CFDP1: variants seen among roughly 807,000 people sequenced by gnomAD.
The protein encoded by CFDP1 is chromatin remodeling protein CFDP1, also known as heterochromatin-stabilizing protein CFDP1.
A neutral mutation model predicts 40.1 loss-of-function variants in CFDP1; 31 were observed. The observed-to-expected ratio is 0.77, with a 90% CI of 0.58 to 1.04. CFDP1 has a LOEUF of 1.04. Ranked by LOEUF, CFDP1 falls within the 50% of genes least tolerant of loss-of-function variation. CFDP1 has a pLI of 0.00. For synonymous variants in CFDP1, 167 were observed against 120.0 expected (o/e 1.39, Z -2.56); for missense variants, 423 against 343.4 (o/e 1.23, Z -1.83).
chr16:75,366,660 G>C (rs1284929001), intron 5 of CFDP1, among the ~76,000 whole-genome samples: 1 of 152,084 alleles, frequency 6.6e-6, no homozygotes, highest in Non-Finnish European at 1.5e-5. Context: ...CCGTTATAGG[G>C]AGATAGATAC....
chr16:75,407,182 G>A (rs941527756), intron 4 of CFDP1, among the ~76,000 whole-genome samples: 18 of 152,082 alleles, frequency 1.2e-4, no homozygotes, highest in East Asian at 1.9e-4. Context: ...ACTCCAACCC[G>A]AGTGACAGAG....
intron 5 of CFDP1, among the ~76,000 whole-genome samples, chr16:75,315,518 A>G (rs981449067): frequency 2.0e-5 from 3 of 152,046 alleles, no homozygotes; most frequent in African/African-American, 7.2e-5. Flanking sequence ...CAAGAATTCC[A>G]GTATGGTCTG....
rs375736531 is a variant in CFDP1, at chr16:75,404,882, G to A, written c.530+6943C>T. Among the ~76,000 whole-genome samples the A allele has an allele frequency of 3.3e-5, 5 of 152,244 alleles. No individual in the cohort carries two copies. The East Asian group carries it at 5.8e-4, about 18-fold the overall frequency. Reference sequence around the variant, plus strand: ...GGCTCCATAGCACAACGGATAGCGCGCTGGACTTCTAGACTGGATTTTAGA... The same window carrying A: ...GGCTCCATAGCACAACGGATAGCGCACTGGACTTCTAGACTGGATTTTAGA... On this transcript the variant is annotated intron_variant, in intron 4 of 6. Coordinates refer to ENST00000283882, the MANE Select transcript of CFDP1 (RefSeq NM_006324.3).
chr16:75,390,800 T>C (rs2078942418), intron 5 of CFDP1, among the ~76,000 whole-genome samples: 1 of 152,156 alleles, frequency 6.6e-6, no homozygotes, highest in African/African-American at 2.4e-5. Flanking sequence ...CACCTAACCC[T>C]TTCTTCCCCT....
rs1555551779 is a variant in CFDP1 at position 75,297,146 on chromosome 16, T to TTTTG, written c.810-3105_810-3104insCAAA. Reference sequence around the variant, plus strand: ...GCTTGGGGTTCTTGCTTCCCATTTCTTGTGTGTGTGTGTGTGTGTCTGTGT... The same window carrying TTTTG: ...GCTTGGGGTTCTTGCTTCCCATTTCTTTTGTGTGTGTGTGTGTGTGTGTCTGTGT... On this transcript the variant is annotated intron_variant, in intron 6 of 6. Transcript: ENST00000283882. Among the ~76,000 whole-genome samples the TTTTG allele has an allele frequency of 2.3e-3, 306 of 133,072 alleles. 4 individuals are homozygous for TTTTG. The highest frequency in any genetic ancestry group is 8.0e-3 in the African/African-American group (297 of 37,306). 87.3% of individuals were successfully genotyped at this position (133,072 alleles called of 152,430 possible).
At chr16:75,303,615 G>T (rs1020826140) in intron 6 of CFDP1, among the ~76,000 whole-genome samples, 22 of 151,498 alleles carry the variant, frequency 1.5e-4, no homozygotes, top group Non-Finnish European at 2.2e-4. Flanking sequence ...GATCGTTTGA[G>T]CCCAAAAGTT....
intron 5 of CFDP1, among the ~76,000 whole-genome samples, chr16:75,360,342 GAGTT>G (rs1303248959): frequency 2.3e-4 from 35 of 152,356 alleles, no homozygotes; most frequent in African/African-American, 7.7e-4. Context: ...CAGACTGCCA[GAGTT>G]AGTGTCAAAA....
intron 5 of CFDP1, among the ~76,000 whole-genome samples, chr16:75,379,344 A>AAG (rs36050796): frequency 0.51 from 75,370 of 149,054 alleles, 20,279 homozygotes; most frequent in Admixed American, 0.63. Flanking sequence ...CCAAAAAAAA[A>AAG]AGAGAGAGAG....
intron 5 of CFDP1, among the ~76,000 whole-genome samples, chr16:75,337,013 A>G (rs892304389): frequency 6.6e-6 from 1 of 152,204 alleles, no homozygotes; most frequent in African/African-American, 2.4e-5. Context: ...TCTGAGTTGC[A>G]AATAGTTTTC....
At chr16:75,308,726 G>T (rs1261089940) in intron 5 of CFDP1, among the ~76,000 whole-genome samples, 1 of 152,040 alleles carries the variant, frequency 6.6e-6, no homozygotes, top group African/African-American at 2.4e-5. Context: ...ATTTAATTTG[G>T]GCAGCACCAC....
intron 5 of CFDP1, among the ~76,000 whole-genome samples, chr16:75,353,226 T>G (rs530123435): frequency 6.6e-6 from 1 of 152,344 alleles, no homozygotes; most frequent in East Asian, 1.9e-4. Flanking sequence ...CCAAACTTAT[T>G]AGACCAATTA....
intron 4 of CFDP1, among the ~76,000 whole-genome samples, chr16:75,403,400 G>C (rs773300539): frequency 3.3e-5 from 5 of 152,100 alleles, no homozygotes; most frequent in Admixed American, 6.6e-5. Context: ...TATATTTTTT[G>C]TAGAAATGGA....
Position 75,395,198 on chromosome 16 carries a change from T to C in CFDP1, c.542A>G (p.Glu181Gly). 6.2e-7 allele frequency: 1 copy of C among 1,613,426 alleles called. No individual in the cohort carries two copies. Among genetic ancestry groups the C allele is most frequent in the Non-Finnish European group, 8.5e-7 (1 of 1,179,640 alleles). ...GGCCTCTTTAGATGTAGCATCCACT[T>C]CCTTAGTTACCCTGTGCCAAGGAAA... ...FAGEEVRVTKEVDATSKEAKS... is the reference protein window; with the variant it reads ...FAGEEVRVTKGVDATSKEAKS... Residue 181 changes from glutamate (E) to glycine (G), a missense_variant, in exon 5 of 7, where the codon GAA (glutamate) becomes GGA (glycine). Coordinates refer to ENST00000283882, the MANE Select transcript of CFDP1 (RefSeq NM_006324.3).
Position 75,352,326 on chromosome 16 carries a change from G to C in CFDP1, c.650+42764C>G, listed in dbSNP as rs949857690. ...ACAGCACTCCATCCTGGGCAACAGAGTAAGACTTTGTCTCAAAAAAACAAA... is the reference window on the plus strand; with the variant it reads ...ACAGCACTCCATCCTGGGCAACAGACTAAGACTTTGTCTCAAAAAAACAAA... On this transcript the variant is annotated intron_variant, in intron 5 of 6. Transcript: ENST00000283882. 4.0e-5 allele frequency among the ~76,000 whole-genome samples: 6 copies of C among 151,850 alleles called. No individual in the cohort carries two copies. In the East Asian group the frequency reaches 1.2e-3, roughly 29 times the overall value.
rs1247408453 is a variant in CFDP1, at chr16:75,392,417, A to G, written c.650+2673T>C. On this transcript the variant is annotated intron_variant, in intron 5 of 6. Coordinates refer to ENST00000283882, the MANE Select transcript of CFDP1 (RefSeq NM_006324.3). ...GAGACTCCAACTTGAAAACAAAAACAAAACAAAGCAACAAAAAAAAACAGC... is the reference window on the plus strand; with the variant it reads ...GAGACTCCAACTTGAAAACAAAAACGAAACAAAGCAACAAAAAAAAACAGC... Among the ~76,000 whole-genome samples the G allele has an allele frequency of 7.0e-5, 8 of 114,452 alleles. No homozygotes were observed. In the Admixed American group the frequency reaches 8.5e-4, roughly 12 times the overall value. The allele number at this position is 114,452 out of a possible 152,430, so 75.1% of individuals were successfully genotyped here. A position where few individuals can be genotyped will look rare whatever the true frequency, so the allele number is the denominator to read the frequency against.
intron 5 of CFDP1, among the ~76,000 whole-genome samples, chr16:75,369,453 T>C (rs748461678): frequency 6.6e-6 from 1 of 152,108 alleles, no homozygotes; most frequent in Non-Finnish European, 1.5e-5. Context: ...CTATACAGAA[T>C]TCTAGCTAGA....
intron 4 of CFDP1, among the ~76,000 whole-genome samples, chr16:75,407,019 A>G (rs72787159): frequency 0.061 from 9,359 of 152,288 alleles, 323 homozygotes; most frequent in Middle Eastern, 0.12. Context: ...TCCATCTCAA[A>G]TAAACAAATA....
chr16:75,301,433 A>G (rs1167938346), intron 6 of CFDP1, among the ~76,000 whole-genome samples: 1 of 151,780 alleles, frequency 6.6e-6, no homozygotes, highest in Non-Finnish European at 1.5e-5. Flanking sequence ...CTTCCCCAAA[A>G]ACCTGCAGCC....
chr16:75,314,760 A>G (rs1289105316), intron 5 of CFDP1, among the ~76,000 whole-genome samples: 1 of 152,068 alleles, frequency 6.6e-6, no homozygotes, highest in South Asian at 2.1e-4. Context: ...TATTTTATAA[A>G]TTTATTTTTG....
Sources: gnomAD v4.1 joint callset for allele counts (sites outside exome capture counted in the v4.1 genomes callset) on GRCh38, gnomAD v4.1.1 for gene constraint, MANE v1.5 for transcripts, NCBI Gene and HGNC (gene_info 2026-07-23, HGNC 2026-07-21) for gene names.